Variants in TMLHE observed in about 807,000 individuals in gnomAD.
The protein encoded by TMLHE is trimethyllysine hydroxylase, epsilon, also known as trimethyllysine dioxygenase, mitochondrial.
Under a neutral mutation model 25.7 loss-of-function variants are expected in TMLHE, and 18 were observed. The ratio of observed to expected loss-of-function variants is 0.70; its 90% CI spans 0.48 to 1.04. The LOEUF (loss-of-function observed/expected upper bound fraction) is 1.04. Among genes scored for constraint, TMLHE ranks in the 50% least tolerant of loss-of-function variants. The probability of loss-of-function intolerance (pLI) is 0.00; values close to 1 mark genes in which losing one functional copy is unlikely to be tolerated. For synonymous variants in TMLHE, 105 were observed against 97.0 expected, an observed-to-expected ratio of 1.08 and a Z score of -0.49; for missense variants, 236 against 259.0, an observed-to-expected ratio of 0.91 and a Z score of 0.61.
chrX:155,523,847 T>G lies in TMLHE; in HGVS notation c.358+609A>C, dbSNP rs781816346. Among the ~76,000 whole-genome samples the G allele has an allele frequency of 1.8e-3, 197 of 112,174 alleles. 1 individual carries two copies. Among genetic ancestry groups the G allele is most frequent in the African/African-American group, 6.0e-3 (187 of 30,937 alleles). Reference sequence around the variant, plus strand: ...ATTTCTTTCATCAGCATTTAATAATTTTTATCATACAGATCCTATACATAT... The same window carrying G: ...ATTTCTTTCATCAGCATTTAATAATGTTTATCATACAGATCCTATACATAT... On this transcript the variant is annotated intron_variant, in intron 3 of 7. Transcript: ENST00000334398.
intron 1 of TMLHE, among the ~76,000 whole-genome samples, chrX:155,556,879 C>T (rs1364695870): frequency 5.4e-5 from 6 of 111,729 alleles, no homozygotes; most frequent in East Asian, 5.7e-4. Flanking sequence ...CCCCTAGGTG[C>T]GCATTCTCTT....
intron 1 of TMLHE, among the ~76,000 whole-genome samples, chrX:155,607,862 A>C (rs1292197301): frequency 8.9e-6 from 1 of 111,915 alleles, no homozygotes; most frequent in Non-Finnish European, 1.9e-5. Context: ...GGGAGATGAA[A>C]GATATCTGCA....
In TMLHE at chrX:155,545,234, C is replaced by A. The variant is rs1298710973; in HGVS notation, c.43G>T (p.Asp15Tyr). 1 of 1,205,115 alleles carries A rather than the reference C, an allele frequency of 8.3e-7. No individual in the cohort carries two copies. The highest frequency in any genetic ancestry group is 1.8e-5 in the African/African-American group (1 of 56,934). Reference protein sequence around the residue: ...RLSHLHSRLQDLLKGGVIYPA... With the variant: ...RLSHLHSRLQYLLKGGVIYPA... ...TATATGACTCCTCCCTTCAGCAAGT[C>A]CTGAAGCCTGCTGTGTAGGTGGGAC... Residue 15 changes from aspartate (D) to tyrosine (Y), a missense_variant, in exon 2 of 8, where the codon GAC becomes TAC. Coordinates refer to ENST00000334398, the MANE Select transcript of TMLHE (RefSeq NM_018196.4).
At chrX:155,539,896 G>A (rs1312352852) in intron 2 of TMLHE, among the ~76,000 whole-genome samples, 3 of 109,942 alleles carry the variant, frequency 2.7e-5, no homozygotes, top group Non-Finnish European at 3.8e-5. Flanking sequence ...TCTAATAATC[G>A]AATTGGAGAA....
At chrX:155,518,503 C>A (rs1447382437) in intron 3 of TMLHE, among the ~76,000 whole-genome samples, 2 of 97,336 alleles carry the variant, frequency 2.1e-5, no homozygotes, top group Admixed American at 1.2e-4. Flanking sequence ...TGTCTCTGCC[C>A]GGCTTTGGTA....
chrX:155,557,892 C>T (rs1047338433), intron 1 of TMLHE, among the ~76,000 whole-genome samples: 8 of 111,417 alleles, frequency 7.2e-5, no homozygotes, highest in African/African-American at 9.8e-5. Context: ...CTTCACCCAC[C>T]GTAGTGTATC....
intron 1 of TMLHE, among the ~76,000 whole-genome samples, chrX:155,588,910 C>T (rs1288813935): frequency 9.0e-6 from 1 of 111,556 alleles, no homozygotes; most frequent in Non-Finnish European, 1.9e-5. Flanking sequence ...ACTATGGAAA[C>T]AGTATGGAGG....
intron 1 of TMLHE, among the ~76,000 whole-genome samples, chrX:155,604,199 G>T (rs1557347627): frequency 2.7e-5 from 3 of 110,618 alleles, no homozygotes; most frequent in Admixed American, 1.9e-4. Flanking sequence ...TTGCTCTGGG[G>T]TGGAGCTCCC....
At chrX:155,531,724 C>T (rs2067250241) in intron 2 of TMLHE, among the ~76,000 whole-genome samples, 1 of 111,880 alleles carries the variant, frequency 8.9e-6, no homozygotes, top group South Asian at 3.7e-4. Context: ...CTGATCAATA[C>T]TTGGCTGGCC....
rs781907925 is a variant in TMLHE at position 155,548,016 on chromosome X, A to G, written c.-1-2739T>C. On this transcript the variant is annotated intron_variant, in intron 1 of 7. Transcript: ENST00000334398. Reference sequence around the variant, plus strand: ...AAATGTTACCAGTTTCAATTTTTAGAAATCAGCCCAAGCAAAACTGGATAT... The same window carrying G: ...AAATGTTACCAGTTTCAATTTTTAGGAATCAGCCCAAGCAAAACTGGATAT... Among the ~76,000 whole-genome samples the G allele has an allele frequency of 3.0e-4, 33 of 111,715 alleles. No homozygotes were observed. The South Asian group carries it at 0.012, about 41-fold the overall frequency.
intron 1 of TMLHE, among the ~76,000 whole-genome samples, chrX:155,606,470 T>C (rs1189794110): frequency 2.7e-5 from 3 of 111,524 alleles, no homozygotes; most frequent in Non-Finnish European, 3.8e-5. Flanking sequence ...GTCAAAACTA[T>C]AAAATTACAT....
intron 1 of TMLHE, among the ~76,000 whole-genome samples, chrX:155,548,720 G>A (rs782529666): frequency 9.6e-6 from 1 of 104,220 alleles, no homozygotes; most frequent in South Asian, 4.2e-4. Context: ...GGGCGACAGA[G>A]TGAGACTCTG....
In TMLHE at chrX:155,599,024, T is replaced by C. The variant is rs782220516; in HGVS notation, c.-2+13768A>G. 5.4e-5 allele frequency among the ~76,000 whole-genome samples: 6 copies of C among 111,257 alleles called. No individual in the cohort carries two copies. The Admixed American group carries it at 5.8e-4, about 11-fold the overall frequency. ...GTCAACCCCTCCTAGTCCTCCTCCTTCTCAGCCTACTCATCTTCACATAAG... is the reference window on the plus strand; with the variant it reads ...GTCAACCCCTCCTAGTCCTCCTCCTCCTCAGCCTACTCATCTTCACATAAG... On this transcript the variant is annotated intron_variant, in intron 1 of 7. Transcript: ENST00000334398.
At chrX:155,605,654 T>C (rs1315231373) in intron 1 of TMLHE, among the ~76,000 whole-genome samples, 1 of 111,791 alleles carries the variant, frequency 8.9e-6, no homozygotes, top group African/African-American at 3.3e-5. Flanking sequence ...CTTAAAGACA[T>C]AGGCCACTGA....
intron 2 of TMLHE, among the ~76,000 whole-genome samples, chrX:155,538,947 C>G (rs2067295789): frequency 9.0e-6 from 1 of 110,930 alleles, no homozygotes; most frequent in South Asian, 3.8e-4. Flanking sequence ...AAAAAAAGAC[C>G]CTCCTTCCCC....
Position 155,561,070 on chromosome X carries a change from T to C in TMLHE, c.-1-15793A>G, listed in dbSNP as rs1205147575. ...TGAAAAAGGGTCAGAGTCTGTTTTTTTGAAGGCAAAAACGACAGGATTTGC... is the reference window on the plus strand; with the variant it reads ...TGAAAAAGGGTCAGAGTCTGTTTTTCTGAAGGCAAAAACGACAGGATTTGC... On this transcript the variant is annotated intron_variant, in intron 1 of 7. Transcript: ENST00000334398. Among the ~76,000 whole-genome samples, 2 of 61,438 alleles carry C rather than the reference T, an allele frequency of 3.3e-5. 1 individual carries two copies. Among genetic ancestry groups the C allele is most frequent in the Non-Finnish European group, 9.1e-5 (2 of 21,989 alleles). The allele number at this position is 61,438 out of a possible 115,157, so 53.4% of individuals were successfully genotyped here.
At chrX:155,534,352 G>A (rs782818499) in intron 2 of TMLHE, among the ~76,000 whole-genome samples, 3 of 110,934 alleles carry the variant, frequency 2.7e-5, no homozygotes, top group East Asian at 2.8e-4. Flanking sequence ...TCCTGCCTTC[G>A]TCTCCCTGGT....
At chrX:155,531,805 T>C in intron 2 of TMLHE, among the ~76,000 whole-genome samples, 1 of 111,486 alleles carries the variant, frequency 9.0e-6, no homozygotes, top group East Asian at 2.8e-4. Context: ...CAGATAGTCC[T>C]TTTGTCATAG....
intron 6 of TMLHE, among the ~76,000 whole-genome samples, chrX:155,506,001 T>C (rs1467638354): frequency 1.8e-4 from 20 of 111,295 alleles, no homozygotes; most frequent in African/African-American, 5.5e-4. Flanking sequence ...CAGTTTGGAA[T>C]AGCTAGGGAA....
Sources: gnomAD v4.1 joint callset for allele counts (sites outside exome capture counted in the v4.1 genomes callset) on GRCh38, gnomAD v4.1.1 for gene constraint, MANE v1.5 for transcripts, NCBI Gene and HGNC (gene_info 2026-07-23, HGNC 2026-07-21) for gene names.